Variants in LYSMD3 observed in about 807,000 individuals in gnomAD.
LYSMD3 encodes the protein LysM domain containing 3, also known as lysM and putative peptidoglycan-binding domain-containing protein 3.
LYSMD3 carries 13 observed loss-of-function variants against 26.1 expected under a neutral mutation model. The ratio of observed to expected loss-of-function variants is 0.50; its 90% CI spans 0.32 to 0.79. The LOEUF (loss-of-function observed/expected upper bound fraction) is 0.79, where lower values mean the gene tolerates loss of function less well. Ranked by LOEUF, LYSMD3 falls within the 30% of genes least tolerant of loss-of-function variation. The probability of loss-of-function intolerance (pLI) is 0.03; values close to 1 mark genes in which losing one functional copy is unlikely to be tolerated. For missense variants in LYSMD3, 331 were observed against 362.5 expected, an observed-to-expected ratio of 0.91 and a Z score of 0.71; for synonymous variants, 109 against 119.4, an observed-to-expected ratio of 0.91 and a Z score of 0.57.
chr5:90,524,443 C>T (rs1753166608), intron 2 of LYSMD3, among the ~76,000 whole-genome samples: 1 of 152,186 alleles, frequency 6.6e-6, no homozygotes, highest in South Asian at 2.1e-4. Flanking sequence ...TTTCCTTACA[C>T]ATTTCCACAT....
intron 2 of LYSMD3, among the ~76,000 whole-genome samples, chr5:90,520,788 G>T (rs1304690108): frequency 6.6e-6 from 1 of 151,984 alleles, no homozygotes; most frequent in Admixed American, 6.6e-5. Flanking sequence ...GCATGGTGGT[G>T]CATGCCTGTA....
rs1334862146 is a variant in LYSMD3 at position 90,518,895 on chromosome 5, ATTCC to A, written c.841_844del (p.Gly281TyrfsTer28). 1 of 1,614,034 alleles carries A rather than the reference ATTCC, an allele frequency of 6.2e-7. No individual in the cohort carries two copies. The highest frequency in any genetic ancestry group is 8.5e-7 in the Non-Finnish European group (1 of 1,179,934). On this transcript the variant is annotated frameshift_variant, in exon 3 of 3. Coordinates refer to ENST00000315948, the MANE Select transcript of LYSMD3 (RefSeq NM_198273.2). LOFTEE classifies it high-confidence loss of function. ...ATGATCATCTTGTTGGCTGAAATGT[ATTCC>A]TTTAGTTGGCACAATTCCATTTTCC...
intron 1 of LYSMD3, among the ~76,000 whole-genome samples, chr5:90,528,766 C>G (rs1753284526): frequency 6.6e-6 from 1 of 152,188 alleles, no homozygotes; most frequent in African/African-American, 2.4e-5. Flanking sequence ...AACAAGCCTG[C>G]GTGCTACCTA....
chr5:90,523,833 T>C (rs536004769), intron 2 of LYSMD3, among the ~76,000 whole-genome samples: 10 of 152,310 alleles, frequency 6.6e-5, no homozygotes, highest in African/African-American at 2.2e-4. Context: ...TTCAAAATTC[T>C]ATTGGGAGTA....
chr5:90,527,939 GCTA>G (rs1193940880), intron 1 of LYSMD3, among the ~76,000 whole-genome samples: 1 of 152,148 alleles, frequency 6.6e-6, no homozygotes, highest in Non-Finnish European at 1.5e-5. Context: ...ATAACTAATA[GCTA>G]TATGTTAAGT....
chr5:90,526,661 A>G (rs1216854236), intron 1 of LYSMD3, among the ~76,000 whole-genome samples: 1 of 152,190 alleles, frequency 6.6e-6, no homozygotes, highest in Non-Finnish European at 1.5e-5. Flanking sequence ...AGACATGAAG[A>G]GAGGGAGTAA....
Position 90,515,974 on chromosome 5 carries a change from G to C in LYSMD3, c.*2845C>G, listed in dbSNP as rs1417964445. The C allele has an allele frequency of 1.3e-5, 2 of 152,064 alleles. No homozygotes were observed. Among genetic ancestry groups the C allele is most frequent in the African/African-American group, 2.4e-5 (1 of 41,430 alleles). 9.4% of individuals were successfully genotyped at this position (152,064 alleles called of 1,614,324 possible). A position where few individuals can be genotyped will look rare whatever the true frequency, so the allele number is the denominator to read the frequency against. On this transcript the variant is annotated 3_prime_UTR_variant, in exon 3 of 3. Coordinates refer to ENST00000315948, the MANE Select transcript of LYSMD3 (RefSeq NM_198273.2). ...CACCTTTACCCTGTAACACTGACTA[G>C]ATCCTTGCTTCATGATATTTCTAAA... is the stretch of plus-strand genomic sequence containing the variant.
chr5:90,526,378 C>T (rs1009342935), intron 1 of LYSMD3, among the ~76,000 whole-genome samples: 3 of 152,176 alleles, frequency 2.0e-5, no homozygotes, highest in African/African-American at 7.2e-5. Flanking sequence ...GTAAGACTGA[C>T]TGGGAGCTGA....
intron 2 of LYSMD3, among the ~76,000 whole-genome samples, chr5:90,523,490 T>C (rs902896598): frequency 6.6e-6 from 1 of 151,796 alleles, no homozygotes; most frequent in African/African-American, 2.4e-5. Context: ...CAATAAAAGG[T>C]TTTTCAAGTA....
In LYSMD3 at chr5:90,519,480, G is replaced by C. The variant is rs538454506; in HGVS notation, c.260C>G (p.Ala87Gly). The C allele has an allele frequency of 6.4e-7, 1 of 1,573,452 alleles. No individual in the cohort carries two copies. The highest frequency in any genetic ancestry group is 2.3e-5 in the East Asian group (1 of 43,458). The change falls in exon 3 of 3, where the codon GCA becomes GGA. Residue 87 changes from alanine (A) to glycine (G), a missense_variant. Physicochemically the swap from Ala to Gly is moderately conservative, Grantham distance 60. Transcript: ENST00000315948. ...AIALQYCCTV[A>G]DIKRVNNLIS... ...GAGATTGTTAACTCTCTTGATATCT[G>C]CTACCTGTGGGGGGGAAAAAAAAGC...
intron 2 of LYSMD3, chr5:90,520,321 C>A (rs1580231366): frequency 2.2e-6 from 1 of 445,456 alleles, no homozygotes; most frequent in East Asian, 7.0e-5. Context: ...TCTATTAGTC[C>A]CATTCATTTC....
intron 2 of LYSMD3, among the ~76,000 whole-genome samples, chr5:90,520,037 C>T (rs1753051083): frequency 6.6e-6 from 1 of 151,996 alleles, no homozygotes; most frequent in Admixed American, 6.6e-5. Context: ...TGTGGAAAAG[C>T]ATATATACCT....
chr5:90,525,528 C>A (rs147396405), intron 1 of LYSMD3, among the ~76,000 whole-genome samples: 132 of 152,318 alleles, frequency 8.7e-4, no homozygotes, highest in African/African-American at 3.1e-3. Flanking sequence ...CAGCTCACTG[C>A]AACCTTTGCC....
chr5:90,524,720 T>C (rs747980519), intron 2 of LYSMD3, among the ~76,000 whole-genome samples: 4 of 152,020 alleles, frequency 2.6e-5, no homozygotes, highest in Non-Finnish European at 5.9e-5. Flanking sequence ...GCCTCCAGAG[T>C]AGCTGGGACT....
intron 1 of LYSMD3, among the ~76,000 whole-genome samples, chr5:90,527,964 A>C (rs1193851156): frequency 6.6e-6 from 1 of 152,182 alleles, no homozygotes; most frequent in African/African-American, 2.4e-5. Flanking sequence ...GATTATTTCA[A>C]CTGTTCTCTG....
chr5:90,519,374 A>G lies in LYSMD3; in HGVS notation c.366T>C (p.Cys122=). The stretch of plus-strand genomic sequence containing the variant: ...GTGAAGTCTGTCTTCCTTTTGGAGG[A>G]CAAAGTGTTTCGGTCAAGGAACTGA... ...KKFSSLTETL[C]PPKGRQTSRH... is the part of the protein sequence containing the mutation. The change falls in exon 3 of 3, where the codon TGT becomes TGC. Residue 122 remains cysteine, a synonymous_variant. Transcript: ENST00000315948. 1 of 1,614,092 alleles carries G rather than the reference A, an allele frequency of 6.2e-7. No individual in the cohort carries two copies. Among genetic ancestry groups the G allele is most frequent in the Non-Finnish European group, 8.5e-7 (1 of 1,179,976 alleles).
intron 2 of LYSMD3, among the ~76,000 whole-genome samples, chr5:90,521,896 T>TA (rs907234756): frequency 6.6e-6 from 1 of 152,148 alleles, no homozygotes; most frequent in Non-Finnish European, 1.5e-5. Context: ...ACTAGCTACT[T>TA]ACTGTATTTT....
chr5:90,518,821 A>G lies in LYSMD3; in HGVS notation c.919T>C (p.Ter307GlnextTer18), dbSNP rs1277531274. 5.6e-6 allele frequency: 9 copies of G among 1,609,354 alleles called. No homozygotes were observed. Among genetic ancestry groups the G allele is most frequent in the Non-Finnish European group, 7.6e-6 (9 of 1,177,402 alleles). Residue 307 changes from the stop codon to glutamine, a stop_lost, in exon 3 of 3, where the codon TAG becomes CAG. Transcript: ENST00000315948. ...SQSPAAQQET[*>Q] The stretch of plus-strand genomic sequence containing the variant: ...AACATTTGATTATGAGCTAATTGCT[A>G]TGTTTCCTGTTGAGCAGCAGGTGAC...
intron 2 of LYSMD3, among the ~76,000 whole-genome samples, chr5:90,523,801 A>G (rs1753150138): frequency 6.6e-6 from 1 of 152,182 alleles, no homozygotes; most frequent in Non-Finnish European, 1.5e-5. Context: ...AAAATGTGCA[A>G]TGAGGTACAT....
Sources: gnomAD v4.1 joint callset for allele counts (sites outside exome capture counted in the v4.1 genomes callset) on GRCh38, gnomAD v4.1.1 for gene constraint, MANE v1.5 for transcripts, NCBI Gene and HGNC (gene_info 2026-07-23, HGNC 2026-07-21) for gene names.